Variants in RTTN observed in about 807,000 individuals in gnomAD.
The protein encoded by RTTN is rotatin.
Under a neutral mutation model 269.2 loss-of-function variants are expected in RTTN, and 182 were observed. That is an observed-to-expected ratio of 0.68 (90% CI 0.60 to 0.76). The LOEUF (loss-of-function observed/expected upper bound fraction) is 0.76, where lower values mean the gene tolerates loss of function less well. Ranked by LOEUF, RTTN falls within the 30% of genes least tolerant of loss-of-function variation. The pLI, the probability that RTTN is intolerant of heterozygous loss-of-function variation, is 0.00. For missense variants in RTTN, 2,545 were observed against 2,608.6 expected (o/e 0.98, Z 0.53); for synonymous variants, 1,006 against 963.5 (o/e 1.04, Z -0.82).
intron 14 of RTTN, among the ~76,000 whole-genome samples, chr18:70,163,069 T>TTAAAAAAAAAAAAAAAA (rs766183356): frequency 1.8e-5 from 1 of 56,968 alleles, no homozygotes; most frequent in Admixed American, 3.3e-4. Flanking sequence ...TTACTATTAT[T>TTAAAAAAAAAAAAAAAA]AAAAAAAAAA....
At chr18:70,097,373 A>C (rs1331206807) in intron 28 of RTTN, among the ~76,000 whole-genome samples, 1 of 152,228 alleles carries the variant, frequency 6.6e-6, no homozygotes, top group East Asian at 1.9e-4. Flanking sequence ...ATGTTCTCTC[A>C]CATAAGCCTT....
chr18:70,174,734 A>T (rs2061242778), intron 11 of RTTN, among the ~76,000 whole-genome samples: 1 of 151,706 alleles, frequency 6.6e-6, no homozygotes, highest in Admixed American at 6.6e-5. Flanking sequence ...AAAAGAGAAT[A>T]AACAGGCCAG....
At chr18:70,039,697 T>C (rs965897110) in intron 40 of RTTN, among the ~76,000 whole-genome samples, 3 of 151,272 alleles carry the variant, frequency 2.0e-5, no homozygotes, top group Non-Finnish European at 4.4e-5. Flanking sequence ...TGTAAACTAC[T>C]CTTATCTTAA....
intron 34 of RTTN, among the ~76,000 whole-genome samples, chr18:70,066,143 CA>C (rs1187345086): frequency 1.3e-5 from 2 of 152,032 alleles, no homozygotes; most frequent in Non-Finnish European, 2.9e-5. Context: ...ATCAGTAACT[CA>C]AAGGAGCAGT....
chr18:70,163,584 C>T (rs564866739), intron 14 of RTTN, among the ~76,000 whole-genome samples: 40 of 152,208 alleles, frequency 2.6e-4, no homozygotes, highest in African/African-American at 8.7e-4. Context: ...TGGAAACAAC[C>T]CAAATGCCTA....
Position 70,017,625 on chromosome 18 carries a change from T to C in RTTN, c.6203A>G (p.Asn2068Ser), listed in dbSNP as rs2045186111. The C allele has an allele frequency of 6.2e-7, 1 of 1,613,650 alleles. No individual in the cohort carries two copies. The highest frequency in any genetic ancestry group is 1.3e-5 in the African/African-American group (1 of 74,926). Reference sequence around the variant, plus strand: ...AATAGTCAGATTACTTAGATGTTTATTTCCTCCTTTTGGCAATGCTAGAGA... The same window carrying C: ...AATAGTCAGATTACTTAGATGTTTACTTCCTCCTTTTGGCAATGCTAGAGA... Reference protein sequence around the residue: ...FLSLALPKGGNKHLSNLTILW... With the variant: ...FLSLALPKGGSKHLSNLTILW... The change falls in exon 46 of 49, where the codon AAT (asparagine) becomes AGT (serine). Residue 2068 changes from asparagine (N) to serine (S), a missense_variant. Physicochemically the swap from Asn to Ser is conservative, Grantham distance 46. Coordinates refer to ENST00000640769, the MANE Select transcript of RTTN (RefSeq NM_173630.4).
At chr18:70,170,541 T>C (rs575092739) in intron 11 of RTTN, among the ~76,000 whole-genome samples, 27 of 152,196 alleles carry the variant, frequency 1.8e-4, no homozygotes, top group Middle Eastern at 3.4e-3. Context: ...GGAAAGCATT[T>C]ATAGAAGAGG....
chr18:70,196,426 A>T, intron 7 of RTTN, 75 bp downstream of exon 7: 1 of 1,322,984 alleles, frequency 7.6e-7, no homozygotes, highest in Non-Finnish European at 1.1e-6. Context: ...AAACCCTAAC[A>T]GTAACTATAA....
At chr18:70,184,516 C>T (rs80133568) in intron 10 of RTTN, among the ~76,000 whole-genome samples, 13,231 of 151,896 alleles carry the variant, frequency 0.087, 1,263 homozygotes, top group African/African-American at 0.24. Context: ...CATGCCACTG[C>T]ACTCCAGTCT....
At chr18:70,143,614 C>T (rs2060315463) in intron 18 of RTTN, among the ~76,000 whole-genome samples, 1 of 151,700 alleles carries the variant, frequency 6.6e-6, no homozygotes, top group Non-Finnish European at 1.5e-5. Context: ...GGGTAGGAGG[C>T]GGGAGAGGAT....
chr18:70,174,060 T>C lies in RTTN; in HGVS notation c.1476+2615A>G, dbSNP rs182303618. Among the ~76,000 whole-genome samples, 870 of 151,694 alleles carry C rather than the reference T, an allele frequency of 5.7e-3. 10 individuals carry two copies. The highest frequency in any genetic ancestry group is 0.02 in the African/African-American group (807 of 41,346). ...GCTGGTAACATTCTATTTTCTGTTA[T>C]GGGGGTGGTCACTTTTTAAAGACAG... On this transcript the variant is annotated intron_variant, in intron 11 of 48. Transcript: ENST00000640769.
intron 12 of RTTN, 37 bp from the exon 13 acceptor site, chr18:70,167,068 T>C: frequency 7.3e-7 from 1 of 1,364,368 alleles, no homozygotes; most frequent in Non-Finnish European, 1.0e-6. Flanking sequence ...AAATGTCAAG[T>C]TCATGTGCAA....
At chr18:70,046,265 T>C (rs1204105728) in intron 40 of RTTN, among the ~76,000 whole-genome samples, 2 of 152,132 alleles carry the variant, frequency 1.3e-5, no homozygotes, top group Non-Finnish European at 2.9e-5. Context: ...CCCACAGTCA[T>C]CCATGCAGAG....
intron 14 of RTTN, among the ~76,000 whole-genome samples, chr18:70,158,674 C>G (rs1376625778): frequency 2.0e-5 from 3 of 152,058 alleles, no homozygotes; most frequent in South Asian, 2.1e-4. Context: ...GAACCAAGAC[C>G]CAACTATATG....
At chr18:70,194,351 A>G (rs2146123059) in intron 7 of RTTN, 1 of 152,372 alleles carries the variant, frequency 6.6e-6, no homozygotes, top group Non-Finnish European at 1.5e-5. Flanking sequence ...TATTGCTGAT[A>G]GAAATGTAAA....
At chr18:70,004,403 TAAAC>T (rs929126564) in intron 48 of RTTN, among the ~76,000 whole-genome samples, 167 bp from the exon 49 acceptor site, 10 of 152,162 alleles carry the variant, frequency 6.6e-5, no homozygotes, top group Non-Finnish European at 1.5e-4. Context: ...TTTTAAAAAA[TAAAC>T]AAGTTACAAA....
chr18:70,197,173 C>A (rs1369335874), intron 6 of RTTN, among the ~76,000 whole-genome samples: 3 of 152,172 alleles, frequency 2.0e-5, no homozygotes, highest in Non-Finnish European at 4.4e-5. Context: ...TGCAATTCCC[C>A]ACCCTGGATC....
chr18:70,103,196 C>T (rs922332961), intron 28 of RTTN, among the ~76,000 whole-genome samples: 7 of 152,024 alleles, frequency 4.6e-5, no homozygotes, highest in Non-Finnish European at 1.0e-4. Flanking sequence ...TCTGCCTGGC[C>T]GCTGTGCAAT....
chr18:70,015,333 G>A (rs2056508700), intron 46 of RTTN, among the ~76,000 whole-genome samples: 1 of 152,018 alleles, frequency 6.6e-6, no homozygotes, highest in Admixed American at 6.6e-5. Flanking sequence ...AAAGTACTGG[G>A]ATTACAGTTG....
Sources: allele counts gnomAD v4.1 joint callset (sites outside exome capture counted in the v4.1 genomes callset), GRCh38; gene constraint gnomAD v4.1.1; transcripts MANE v1.5; gene names NCBI Gene and HGNC (gene_info 2026-07-23, HGNC 2026-07-21).